MYO16: variants seen among roughly 807,000 people sequenced by gnomAD.
MYO16 encodes the protein unconventional myosin-XVI.
A neutral mutation model predicts 205.3 loss-of-function variants in MYO16; 94 were observed. The observed-to-expected ratio is 0.46, with a 90% CI of 0.39 to 0.54. The LOEUF is 0.54. Among genes scored for constraint, MYO16 ranks in the 20% least tolerant of loss-of-function variants. MYO16 has a pLI of 0.00. For synonymous variants in MYO16, 988 were observed against 954.0 expected (o/e 1.04, Z -0.66); for missense variants, 2,315 against 2,387.5 (o/e 0.97, Z 0.63).
chr13:108,886,057 G>T (rs1879862014), intron 13 of MYO16, among the ~76,000 whole-genome samples: 1 of 151,996 alleles, frequency 6.6e-6, no homozygotes, highest in Non-Finnish European at 1.5e-5. Flanking sequence ...GCGCGATCTG[G>T]GCTCACTGCA....
chr13:108,609,292 A>C (rs1037458548), intron 1 of MYO16, among the ~76,000 whole-genome samples: 3 of 152,176 alleles, frequency 2.0e-5, no homozygotes, highest in African/African-American at 7.2e-5. Context: ...AAGGGCTAGA[A>C]ATGGGTGCAA....
intron 23 of MYO16, among the ~76,000 whole-genome samples, chr13:109,046,556 A>T (rs957313490): frequency 6.6e-6 from 1 of 152,216 alleles, no homozygotes; most frequent in Non-Finnish European, 1.5e-5. Flanking sequence ...CTGAAATCAC[A>T]CTTCATTCCA....
At chr13:108,575,955 T>C in the MYO16 span, among the ~76,000 whole-genome samples, 4,791 of 151,824 alleles carry the variant, frequency 0.032, 229 homozygotes, top group African/African-American at 0.1. Flanking sequence ...TGAGGGCCTA[T>C]GAGATAATGT....
At chr13:108,917,116 C>G (rs1424609770) in intron 16 of MYO16, among the ~76,000 whole-genome samples, 1 of 152,202 alleles carries the variant, frequency 6.6e-6, no homozygotes, top group Non-Finnish European at 1.5e-5. Flanking sequence ...CGCACGCACA[C>G]ACACACATCA....
chr13:108,595,612 A>G (rs1594132110), upstream of MYO16, among the ~76,000 whole-genome samples: 1 of 152,088 alleles, frequency 6.6e-6, no homozygotes, highest in East Asian at 1.9e-4. Flanking sequence ...ATCACTAGAC[A>G]GTCAGCCCCC....
chr13:108,800,474 C>T (rs1188651942), intron 6 of MYO16, among the ~76,000 whole-genome samples: 5 of 152,216 alleles, frequency 3.3e-5, no homozygotes, highest in Middle Eastern at 3.4e-3. Context: ...CCCTCAGTCT[C>T]GAGGTAGAGT....
rs184207630 is a variant in MYO16 at position 108,923,643 on chromosome 13, C to T, written c.1925+13493C>T. On this transcript the variant is annotated intron_variant, in intron 16 of 34. Coordinates refer to ENST00000457511, the MANE Select transcript of MYO16 (RefSeq NM_001198950.3). ...CCTGCTTTCACTGCCCCAATGCGGC[C>T]GGGGTGTTTGGGTCCGGAGCCCTCA... Among the ~76,000 whole-genome samples, 65 of 152,296 alleles carry T rather than the reference C, an allele frequency of 4.3e-4. 1 individual carries two copies. The highest frequency in any genetic ancestry group is 1.0e-3 in the Admixed American group (16 of 15,304).
intron 33 of MYO16, among the ~76,000 whole-genome samples, chr13:109,171,727 C>G (rs1878930198): frequency 1.3e-5 from 2 of 152,094 alleles, no homozygotes; most frequent in Admixed American, 6.5e-5. Context: ...TTTGTGGGGA[C>G]ACACAGATAT....
rs71125345 is a variant in MYO16, at chr13:108,838,770, G to GCACACACACACA, written c.1098-5563_1098-5552dup. ...TATATATATACACACACACACAAAT[G>GCACACACACACA]CACACACACACACACACACACCATA... On this transcript the variant is annotated intron_variant, in intron 9 of 34. Coordinates refer to ENST00000457511, the MANE Select transcript of MYO16 (RefSeq NM_001198950.3). Among the ~76,000 whole-genome samples the GCACACACACACA allele has an allele frequency of 9.6e-5, 14 of 145,514 alleles. No individual in the cohort carries two copies. In the East Asian group the frequency reaches 2.4e-3, roughly 25 times the overall value.
chr13:108,806,322 A>G (rs1241757414), intron 6 of MYO16, among the ~76,000 whole-genome samples: 1 of 152,226 alleles, frequency 6.6e-6, no homozygotes, highest in Non-Finnish European at 1.5e-5. Flanking sequence ...TATAGAGCTA[A>G]TCAGCAAATA....
chr13:108,887,690 T>C (rs978587440), intron 13 of MYO16, among the ~76,000 whole-genome samples: 2 of 152,176 alleles, frequency 1.3e-5, no homozygotes, highest in Non-Finnish European at 2.9e-5. Flanking sequence ...ACATCAGAAC[T>C]GAAAGCAAGC....
At chr13:109,024,685 T>G (rs930638603) in intron 23 of MYO16, among the ~76,000 whole-genome samples, 2 of 152,148 alleles carry the variant, frequency 1.3e-5, no homozygotes, top group Non-Finnish European at 2.9e-5. Context: ...ATCACCTTAA[T>G]TTTTTAAGCA....
At chr13:109,015,566 A>G (rs547520069) in intron 22 of MYO16, among the ~76,000 whole-genome samples, 37 of 152,274 alleles carry the variant, frequency 2.4e-4, no homozygotes, top group African/African-American at 8.4e-4. Flanking sequence ...CCTCTGGTAG[A>G]ATTTGGCTGT....
intron 32 of MYO16, among the ~76,000 whole-genome samples, chr13:109,161,624 T>G (rs1878390922): frequency 6.6e-6 from 1 of 152,200 alleles, no homozygotes; most frequent in Admixed American, 6.5e-5. Flanking sequence ...GACCATTAGT[T>G]CTTATGCCTT....
intron 34 of MYO16, among the ~76,000 whole-genome samples, chr13:109,189,135 A>G (rs4377028): frequency 0.56 from 85,300 of 151,414 alleles, 25,947 homozygotes; most frequent in African/African-American, 0.8. Context: ...TCCAGCATAG[A>G]AGAAAGATGA....
intron 1 of MYO16, among the ~76,000 whole-genome samples, chr13:108,620,440 G>C (rs1409825090): frequency 6.6e-6 from 1 of 152,158 alleles, no homozygotes; most frequent in Admixed American, 6.5e-5. Flanking sequence ...ACCGTACTAA[G>C]AGCATGCATT....
chr13:108,519,964 T>A, the MYO16 span, among the ~76,000 whole-genome samples: 1 of 152,172 alleles, frequency 6.6e-6, no homozygotes, highest in Non-Finnish European at 1.5e-5. Flanking sequence ...AGGAAGCGTA[T>A]TTTTTGACCC....
the MYO16 span, among the ~76,000 whole-genome samples, chr13:108,569,232 G>A: frequency 8.4e-4 from 128 of 152,120 alleles, no homozygotes; most frequent in South Asian, 3.1e-3. Flanking sequence ...TTTGTATTAC[G>A]TTTGTAAATC....
At chr13:108,743,579 C>T (rs1337861262) in intron 4 of MYO16, among the ~76,000 whole-genome samples, 2 of 152,150 alleles carry the variant, frequency 1.3e-5, no homozygotes, top group African/African-American at 2.4e-5. Flanking sequence ...TCTTTTACTT[C>T]AGTAACAATG....
Sources: allele counts gnomAD v4.1 joint callset (sites outside exome capture counted in the v4.1 genomes callset), GRCh38; gene constraint gnomAD v4.1.1; transcripts MANE v1.5; gene names NCBI Gene and HGNC (gene_info 2026-07-23, HGNC 2026-07-21).